The following MALRD1 variants were observed in gnomAD, a reference collection of about 807,000 sequenced individuals.
The protein encoded by MALRD1 is MAM and LDL receptor class A domain containing 1.
Under a neutral mutation model 242.1 loss-of-function variants are expected in MALRD1, and 247 were observed. That is an observed-to-expected ratio of 1.02 (90% CI 0.92 to 1.13). The LOEUF (loss-of-function observed/expected upper bound fraction) is 1.13. Ranked by LOEUF, MALRD1 falls within the 50% of genes most tolerant of loss-of-function variation. The pLI, the probability that MALRD1 is intolerant of heterozygous loss-of-function variation, is 0.00. For missense variants in MALRD1, 2,989 were observed against 2,533.1 expected (o/e 1.18, Z -3.86); for synonymous variants, 995 against 866.6 (o/e 1.15, Z -2.60).
intron 36 of MALRD1, among the ~76,000 whole-genome samples, chr10:19,622,318 G>A (rs1839440312): frequency 6.6e-6 from 1 of 151,602 alleles, no homozygotes; most frequent in Admixed American, 6.6e-5. Context: ...TAGATTAATA[G>A]TCTACATACA....
At chr10:19,246,319 G>A (rs1294935612) in intron 18 of MALRD1, among the ~76,000 whole-genome samples, 1 of 152,048 alleles carries the variant, frequency 6.6e-6, no homozygotes, top group African/African-American at 2.4e-5. Context: ...TTAAGTAACT[G>A]GCATTTTGTT....
At chr10:19,672,829 G>C (rs572473290) in intron 36 of MALRD1, among the ~76,000 whole-genome samples, 2 of 152,088 alleles carry the variant, frequency 1.3e-5, no homozygotes, top group African/African-American at 4.8e-5. Flanking sequence ...TAATTCACCA[G>C]TAAATTGATG....
intron 28 of MALRD1, among the ~76,000 whole-genome samples, chr10:19,403,918 G>A (rs1391634427): frequency 1.3e-5 from 2 of 151,894 alleles, no homozygotes; most frequent in African/African-American, 4.8e-5. Context: ...GAATTTTCTT[G>A]GTAGTCAAAA....
chr10:19,119,264 G>T (rs1836978966), intron 5 of MALRD1, among the ~76,000 whole-genome samples: 1 of 152,074 alleles, frequency 6.6e-6, no homozygotes, highest in Non-Finnish European at 1.5e-5. Flanking sequence ...AAAAATCAGA[G>T]GTTTATTGAG....
intron 11 of MALRD1, among the ~76,000 whole-genome samples, chr10:19,147,118 A>G (rs762819557): frequency 1.1e-4 from 16 of 152,132 alleles, no homozygotes; most frequent in Non-Finnish European, 1.6e-4. Flanking sequence ...CAGCCTCCCA[A>G]AAGTGCTGGG....
intron 28 of MALRD1, among the ~76,000 whole-genome samples, chr10:19,442,040 G>A (rs1413116124): frequency 1.3e-5 from 2 of 152,134 alleles, no homozygotes; most frequent in Non-Finnish European, 2.9e-5. Flanking sequence ...CCGTGAAGAA[G>A]TCCTTCACAA....
intron 38 of MALRD1, among the ~76,000 whole-genome samples, chr10:19,700,973 C>T (rs906861391): frequency 2.0e-5 from 3 of 152,046 alleles, no homozygotes; most frequent in Non-Finnish European, 2.9e-5. Context: ...CATAGCAAAA[C>T]CCCACCTCTA....
intron 36 of MALRD1, among the ~76,000 whole-genome samples, chr10:19,645,159 CA>C (rs540985590): frequency 2.1e-3 from 312 of 152,108 alleles, no homozygotes; most frequent in African/African-American, 7.1e-3. Flanking sequence ...CAGAGAAATG[CA>C]AATCAAAACC....
intron 2 of MALRD1, among the ~76,000 whole-genome samples, chr10:19,080,525 C>T (rs1835452384): frequency 6.6e-6 from 1 of 152,094 alleles, no homozygotes; most frequent in Middle Eastern, 3.4e-3. Flanking sequence ...GGAAAGGATT[C>T]CCTATTTAAC....
intron 38 of MALRD1, among the ~76,000 whole-genome samples, chr10:19,698,881 A>T (rs898437629): frequency 6.6e-6 from 1 of 152,210 alleles, no homozygotes; most frequent in African/African-American, 2.4e-5. Flanking sequence ...GAATGAGTTC[A>T]TGCCCTTTGC....
chr10:19,706,383 A>G (rs955593809), intron 38 of MALRD1, among the ~76,000 whole-genome samples: 35 of 152,076 alleles, frequency 2.3e-4, no homozygotes, highest in African/African-American at 8.0e-4. Context: ...ATTGAAGTGA[A>G]GTGGTGTGAT....
chr10:19,492,018 A>C (rs1217411845), intron 30 of MALRD1, among the ~76,000 whole-genome samples: 4 of 151,602 alleles, frequency 2.6e-5, no homozygotes, highest in African/African-American at 7.3e-5. Flanking sequence ...TTTTCCAAAA[A>C]ATTGTTGATT....
At chr10:19,165,265 A>ATATATATATATATATATATATATTTTTTT in intron 12 of MALRD1, among the ~76,000 whole-genome samples, 1 of 130,286 alleles carries the variant, frequency 7.7e-6, no homozygotes, top group African/African-American at 3.2e-5. Flanking sequence ...ATATATATAT[A>ATATATATATATATATATATATATTTTTTT]TTTTGTTTTG....
At chr10:19,489,256 A>G in intron 29 of MALRD1, 1 of 480,358 alleles carries the variant, frequency 2.1e-6, no homozygotes, top group Non-Finnish European at 4.3e-6. Flanking sequence ...AAGCACAAAC[A>G]AAAGGGAAAA....
At chr10:19,419,587 T>G (rs1833642609) in intron 28 of MALRD1, among the ~76,000 whole-genome samples, 1 of 152,166 alleles carries the variant, frequency 6.6e-6, no homozygotes, top group Admixed American at 6.5e-5. Flanking sequence ...CCCAAAGTGC[T>G]GGGATTACAG....
intron 13 of MALRD1, among the ~76,000 whole-genome samples, chr10:19,169,482 A>C: frequency 6.6e-6 from 1 of 152,200 alleles, no homozygotes; most frequent in African/African-American, 2.4e-5. Context: ...GCTCAGGATT[A>C]ACTAATGTTA....
intron 5 of MALRD1, among the ~76,000 whole-genome samples, chr10:19,119,610 T>C (rs1406855123): frequency 1.3e-5 from 2 of 152,124 alleles, no homozygotes; most frequent in African/African-American, 2.4e-5. Context: ...TGCCAGTTGA[T>C]CCATCAAGTG....
chr10:19,350,779 A>G (rs557306910), intron 25 of MALRD1, among the ~76,000 whole-genome samples: 25 of 152,238 alleles, frequency 1.6e-4, no homozygotes, highest in Admixed American at 5.9e-4. Flanking sequence ...AAATAAGACA[A>G]ACAAAAGGAG....
intron 23 of MALRD1, among the ~76,000 whole-genome samples, chr10:19,329,503 A>G (rs985719471): frequency 1.3e-4 from 20 of 152,032 alleles, no homozygotes; most frequent in African/African-American, 4.1e-4. Context: ...GCTACATACT[A>G]TTTATGAATT....
Sources: gnomAD v4.1 joint callset for allele counts (sites outside exome capture counted in the v4.1 genomes callset) on GRCh38, gnomAD v4.1.1 for gene constraint, MANE v1.5 for transcripts, NCBI Gene and HGNC (gene_info 2026-07-23, HGNC 2026-07-21) for gene names.